CADM2: variants seen among roughly 807,000 people sequenced by gnomAD.
CADM2 encodes the protein immunoglobulin superfamily member 4D.
Under a neutral mutation model 49.8 loss-of-function variants are expected in CADM2, and 12 were observed. The ratio of observed to expected loss-of-function variants is 0.24; its 90% CI spans 0.15 to 0.39. The LOEUF (loss-of-function observed/expected upper bound fraction) is 0.39, where lower values mean the gene tolerates loss of function less well. Among genes scored for constraint, CADM2 ranks in the 10% least tolerant of loss-of-function variants. The pLI is 1.00. For synonymous variants in CADM2, 214 were observed against 175.4 expected, an observed-to-expected ratio of 1.22 and a Z score of -1.74; for missense variants, 378 against 492.3, an observed-to-expected ratio of 0.77 and a Z score of 2.20.
intron 1 of CADM2, among the ~76,000 whole-genome samples, chr3:85,233,850 T>C (rs921087716): frequency 3.3e-5 from 5 of 152,094 alleles, no homozygotes; most frequent in African/African-American, 1.2e-4. Flanking sequence ...ATTAAAAAAA[T>C]AGTTCAAAGT....
chr3:85,403,232 G>A (rs1452205465), intron 1 of CADM2, among the ~76,000 whole-genome samples: 1 of 152,014 alleles, frequency 6.6e-6, no homozygotes. Context: ...GTTTTCATGT[G>A]GATGAAGCGA....
At chr3:85,798,253 G>A (rs915599668) in intron 2 of CADM2, among the ~76,000 whole-genome samples, 4 of 152,172 alleles carry the variant, frequency 2.6e-5, no homozygotes, top group African/African-American at 4.8e-5. Context: ...CTTTCGCTGT[G>A]TAGAAGTTCT....
intron 8 of CADM2, chr3:86,014,384 A>C: frequency 6.8e-7 from 1 of 1,467,616 alleles, no homozygotes; most frequent in Non-Finnish European, 9.1e-7. Context: ...GCTTGACTGT[A>C]GTACTGCATT....
rs994007086 is a variant in CADM2 at position 85,601,393 on chromosome 3, T to C, written c.62-125129T>C. Among the ~76,000 whole-genome samples the C allele has an allele frequency of 2.0e-5, 3 of 151,028 alleles. No homozygotes were observed. The South Asian group carries it at 6.2e-4, about 31-fold the overall frequency. The stretch of plus-strand genomic sequence containing the variant: ...GTATTTATATTAAATTCATTGAAAA[T>C]GACCCATTATATTGTAATCACAATA... On this transcript the variant is annotated intron_variant, in intron 1 of 9. Coordinates refer to ENST00000383699, the MANE Select transcript of CADM2 (RefSeq NM_001167675.2).
At chr3:85,146,523 A>T (rs1216825150) in intron 1 of CADM2, among the ~76,000 whole-genome samples, 3 of 152,170 alleles carry the variant, frequency 2.0e-5, no homozygotes, top group Non-Finnish European at 4.4e-5. Context: ...TTTAAAAGTT[A>T]TTTCAAGAAT....
chr3:85,632,664 A>G (rs2064347790), intron 1 of CADM2, among the ~76,000 whole-genome samples: 1 of 152,086 alleles, frequency 6.6e-6, no homozygotes, highest in Non-Finnish European at 1.5e-5. Context: ...CCCATGAGGT[A>G]AATGTCTTGA....
At chr3:86,013,556 A>G in intron 8 of CADM2, 2 of 1,604,228 alleles carry the variant, frequency 1.2e-6, no homozygotes, top group Non-Finnish European at 8.5e-7. Context: ...GGCAGATGGT[A>G]GAGATCTGTG....
chr3:85,980,712 T>C (rs1727368535), intron 8 of CADM2, among the ~76,000 whole-genome samples: 1 of 151,606 alleles, frequency 6.6e-6, no homozygotes, highest in African/African-American at 2.4e-5. Flanking sequence ...TGCTTTAATT[T>C]GTGATGCTCT....
Position 86,068,138 on chromosome 3 carries a change from T to C in CADM2, c.*1355T>C, listed in dbSNP as rs1228726627. On this transcript the variant is annotated 3_prime_UTR_variant, in exon 10 of 10. Transcript: ENST00000383699. The stretch of plus-strand genomic sequence containing the variant: ...ATATTAAATTCCTGTCTATGCATTT[T>C]GTGAGGTACAAACTGATGAAACAGT... 1.3e-5 allele frequency: 2 copies of C among 152,436 alleles called. No individual in the cohort carries two copies. Among genetic ancestry groups the C allele is most frequent in the African/African-American group, 4.8e-5 (2 of 41,438 alleles). 9.4% of individuals were successfully genotyped at this position (152,436 alleles called of 1,614,324 possible). A position where few individuals can be genotyped will look rare whatever the true frequency, so the allele number is the denominator to read the frequency against.
chr3:85,981,474 G>A (rs975054539), intron 8 of CADM2, among the ~76,000 whole-genome samples: 2 of 151,396 alleles, frequency 1.3e-5, no homozygotes, highest in Non-Finnish European at 3.0e-5. Context: ...AGCATAGTAT[G>A]TGATAGGTAG....
chr3:85,507,519 A>G (rs1221831382), intron 1 of CADM2, among the ~76,000 whole-genome samples: 1 of 152,156 alleles, frequency 6.6e-6, no homozygotes, highest in Non-Finnish European at 1.5e-5. Flanking sequence ...AATACATTAT[A>G]TCTTTGTTAT....
chr3:85,227,196 G>A (rs368154829), intron 1 of CADM2, among the ~76,000 whole-genome samples: 8 of 152,040 alleles, frequency 5.3e-5, no homozygotes, highest in East Asian at 3.9e-4. Flanking sequence ...TTTCTGTCTC[G>A]TTGATCTGTC....
chr3:85,927,039 A>G (rs577119993), intron 6 of CADM2, among the ~76,000 whole-genome samples: 12 of 152,332 alleles, frequency 7.9e-5, no homozygotes, highest in African/African-American at 2.6e-4. Flanking sequence ...CGTATTCTGT[A>G]CAATGAGGAG....
intron 5 of CADM2, among the ~76,000 whole-genome samples, chr3:85,887,556 T>A (rs571382508): frequency 5.3e-4 from 80 of 152,254 alleles, no homozygotes; most frequent in Non-Finnish European, 9.4e-4. Flanking sequence ...CTCTGCATAT[T>A]TTTCCCAAAA....
intron 1 of CADM2, among the ~76,000 whole-genome samples, chr3:85,628,945 T>C (rs1009506389): frequency 6.6e-6 from 1 of 151,622 alleles, no homozygotes; most frequent in African/African-American, 2.4e-5. Flanking sequence ...AGTGTCTTAA[T>C]GTAGCATGAC....
intron 1 of CADM2, among the ~76,000 whole-genome samples, chr3:85,686,388 T>C (rs1157918489): frequency 1.3e-5 from 2 of 152,118 alleles, no homozygotes; most frequent in Admixed American, 6.5e-5. Flanking sequence ...GTCCTAAAAA[T>C]GTTAATGAAA....
chr3:85,478,752 G>T (rs1234227536), intron 1 of CADM2, among the ~76,000 whole-genome samples: 2 of 151,832 alleles, frequency 1.3e-5, no homozygotes, highest in African/African-American at 4.8e-5. Context: ...AGCGTGGTAG[G>T]CAGTCAGGAG....
chr3:86,032,505 G>A (rs1052647432), intron 8 of CADM2, among the ~76,000 whole-genome samples: 12 of 151,832 alleles, frequency 7.9e-5, no homozygotes, highest in African/African-American at 2.9e-4. Context: ...TGTGTCATAT[G>A]TAGTTATAAC....
At chr3:85,634,589 C>T (rs77637230) in intron 1 of CADM2, among the ~76,000 whole-genome samples, 3,170 of 152,094 alleles carry the variant, frequency 0.021, 100 homozygotes, top group African/African-American at 0.071. Flanking sequence ...TGCAGTTACA[C>T]ATGCTTGCCA....
Sources: allele counts gnomAD v4.1 joint callset (sites outside exome capture counted in the v4.1 genomes callset), GRCh38; gene constraint gnomAD v4.1.1; transcripts MANE v1.5; gene names NCBI Gene and HGNC (gene_info 2026-07-23, HGNC 2026-07-21).